Variants in PGBD2 observed in about 807,000 individuals in gnomAD.
The protein encoded by PGBD2 is piggyBac transposable element derived 2.
PGBD2 carries 6 observed loss-of-function variants against 8.1 expected under a neutral mutation model. The ratio of observed to expected loss-of-function variants is 0.74; its 90% CI spans 0.40 to 1.46. The LOEUF is 1.46. Ranked by LOEUF, PGBD2 falls within the 40% of genes most tolerant of loss-of-function variation. The probability of loss-of-function intolerance (pLI) is 0.02; values close to 1 mark genes in which losing one functional copy is unlikely to be tolerated. For synonymous variants in PGBD2, 318 were observed against 272.2 expected, an observed-to-expected ratio of 1.17 and a Z score of -1.66; for missense variants, 802 against 739.0, an observed-to-expected ratio of 1.09 and a Z score of -0.99.
chr1:248,873,971 A>G, the PGBD2 span, among the ~76,000 whole-genome samples: 5 of 152,054 alleles, frequency 3.3e-5, no homozygotes, highest in East Asian at 9.6e-4. Context: ...CATTCGTTTT[A>G]TTAGCATTTT....
rs1411362381 is a variant in PGBD2, at chr1:248,906,293, C to G, written c.-97C>G. On this transcript the variant is annotated 5_prime_UTR_variant, in exon 1 of 3. Transcript: ENST00000329291. The stretch of plus-strand genomic sequence containing the variant: ...GCAGGCGCAGCGCTCCGATTCGGCG[C>G]GGCTCATGGTCCGGTTCGGGCTCGC... The G allele has an allele frequency of 1.3e-5, 2 of 151,822 alleles. No homozygotes were observed. The highest frequency in any genetic ancestry group is 4.8e-5 in the African/African-American group (2 of 41,328). The allele number at this position is 151,822 out of a possible 1,614,324, so 9.4% of individuals were successfully genotyped here. A position where few individuals can be genotyped will look rare whatever the true frequency, so the allele number is the denominator to read the frequency against.
chr1:248,874,732 G>A, the PGBD2 span, among the ~76,000 whole-genome samples: 2 of 152,158 alleles, frequency 1.3e-5, no homozygotes, highest in African/African-American at 4.8e-5. Context: ...AAGAGATCAG[G>A]TACTTCTCCC....
At chr1:248,890,813 C>G in the PGBD2 span, among the ~76,000 whole-genome samples, 3 of 151,196 alleles carry the variant, frequency 2.0e-5, no homozygotes, top group Non-Finnish European at 4.4e-5. Flanking sequence ...ACACCACACA[C>G]ACAACATACA....
the PGBD2 span, among the ~76,000 whole-genome samples, chr1:248,900,828 A>G: frequency 6.6e-6 from 1 of 152,194 alleles, no homozygotes. Flanking sequence ...ACATGATCAT[A>G]TATCTAGAAA....
chr1:248,906,207 G>C (rs539805736), upstream of PGBD2: 35 of 152,124 alleles, frequency 2.3e-4, no homozygotes, highest in African/African-American at 8.4e-4. Context: ...TGGAAGGCCG[G>C]CCGAGGTGCA....
chr1:248,929,201 TTCTG>T, the PGBD2 span, among the ~76,000 whole-genome samples: 2 of 152,216 alleles, frequency 1.3e-5, no homozygotes, highest in Admixed American at 6.5e-5. Flanking sequence ...AAACTTTGGT[TTCTG>T]TCTGTTTTTT....
At chr1:248,909,978 T>G (rs141220317) in intron 1 of PGBD2, among the ~76,000 whole-genome samples, 170 of 152,302 alleles carry the variant, frequency 1.1e-3, no homozygotes, top group Non-Finnish European at 1.9e-3. Context: ...GCTCATGCCC[T>G]AATGGCTGGA....
chr1:248,921,158 G>T (rs946117806), downstream of PGBD2, among the ~76,000 whole-genome samples: 36 of 152,226 alleles, frequency 2.4e-4, no homozygotes, highest in African/African-American at 8.4e-4. Flanking sequence ...GATCCCATTT[G>T]TCAGTTTTGG....
the PGBD2 span, among the ~76,000 whole-genome samples, chr1:248,879,744 A>T: frequency 6.6e-6 from 1 of 152,046 alleles, no homozygotes; most frequent in Non-Finnish European, 1.5e-5. Context: ...AAATATCTTA[A>T]TTCTGTTTGA....
At chr1:248,880,565 A>T in the PGBD2 span, among the ~76,000 whole-genome samples, 1 of 152,240 alleles carries the variant, frequency 6.6e-6, no homozygotes. Flanking sequence ...AAGATGGGTA[A>T]TGCAGTGATT....
At chr1:248,922,209 G>A (rs533082719), downstream of PGBD2, among the ~76,000 whole-genome samples, 7 of 151,902 alleles carry the variant, frequency 4.6e-5, no homozygotes, top group Non-Finnish European at 1.0e-4. Context: ...ACAGGCGCCC[G>A]CCACCATGCC....
At chr1:248,874,367 T>C in the PGBD2 span, among the ~76,000 whole-genome samples, 5,956 of 152,266 alleles carry the variant, frequency 0.039, 378 homozygotes, top group African/African-American at 0.13. Flanking sequence ...ATAGGTGATG[T>C]TCCCAGAGTC....
intron 2 of PGBD2, chr1:248,914,400 CT>C: frequency 1.0e-6 from 1 of 985,346 alleles, no homozygotes; most frequent in Non-Finnish European, 1.2e-6. Flanking sequence ...TTTTAATTTT[CT>C]TTCCCTTTAA....
the PGBD2 span, among the ~76,000 whole-genome samples, chr1:248,892,190 G>C: frequency 8.6e-5 from 13 of 151,574 alleles, no homozygotes; most frequent in East Asian, 2.3e-3. Flanking sequence ...CTATATAAGG[G>C]TTAATGCATA....
chr1:248,929,387 C>T, the PGBD2 span, among the ~76,000 whole-genome samples: 1 of 152,186 alleles, frequency 6.6e-6, no homozygotes, highest in Admixed American at 6.5e-5. Flanking sequence ...ACGTATCCAG[C>T]CAAGGCTGTC....
In PGBD2 at chr1:248,918,375, A is replaced by C; in HGVS notation, c.*12A>C. On this transcript the variant is annotated 3_prime_UTR_variant, in exon 3 of 3. Transcript: ENST00000329291. Reference sequence around the variant, plus strand: ...ACCACATCCGGTGACATCATGAGACATGCTTCTTTGGTTTATAATGAGATG... The same window carrying C: ...ACCACATCCGGTGACATCATGAGACCTGCTTCTTTGGTTTATAATGAGATG... The C allele has an allele frequency of 6.6e-7, 1 of 1,525,874 alleles. No individual in the cohort carries two copies. Among genetic ancestry groups the C allele is most frequent in the Non-Finnish European group, 8.8e-7 (1 of 1,138,126 alleles). 94.5% of individuals were successfully genotyped at this position (1,525,874 alleles called of 1,614,324 possible). A position where few individuals can be genotyped will look rare whatever the true frequency, so the allele number is the denominator to read the frequency against.
the PGBD2 span, among the ~76,000 whole-genome samples, chr1:248,925,699 C>T: frequency 2.0e-5 from 3 of 150,810 alleles, no homozygotes. Context: ...TCTGTGTTTT[C>T]TTAGGATAAT....
rs546804911 is a variant in PGBD2 at position 248,911,331 on chromosome 1, C to G, written c.-47-2485C>G. On this transcript the variant is annotated intron_variant, in intron 1 of 2. Transcript: ENST00000329291. ...AGTGGTGATGACTCTTAACGAGCAT[C>G]CTGCCTTCAAGCATCTGTTTAACAA... Among the ~76,000 whole-genome samples the G allele has an allele frequency of 3.9e-3, 593 of 150,722 alleles. 10 individuals are homozygous for G. The highest frequency in any genetic ancestry group is 0.024 in the Admixed American group (356 of 14,728).
chr1:248,906,544 CGAGGCCG>C (rs1661644689), intron 1 of PGBD2: 1 of 140,634 alleles, frequency 7.1e-6, no homozygotes, highest in Admixed American at 7.4e-5. Flanking sequence ...GGTTGGGGTG[CGAGGCCG>C]GAGGCCGGGC....
Sources: allele counts gnomAD v4.1 joint callset (sites outside exome capture counted in the v4.1 genomes callset), GRCh38; gene constraint gnomAD v4.1.1; transcripts MANE v1.5; gene names NCBI Gene and HGNC (gene_info 2026-07-23, HGNC 2026-07-21).